The following SMURF1 variants were observed in gnomAD, a reference collection of about 807,000 sequenced individuals.
The protein encoded by SMURF1 is SMAD specific E3 ubiquitin protein ligase 1, also known as E3 ubiquitin-protein ligase SMURF1.
SMURF1 carries 44 observed loss-of-function variants against 98.0 expected under a neutral mutation model. The ratio of observed to expected loss-of-function variants is 0.45; its 90% CI spans 0.35 to 0.58. SMURF1 has a LOEUF of 0.58. Among genes scored for constraint, SMURF1 ranks in the 20% least tolerant of loss-of-function variants. The probability of loss-of-function intolerance (pLI) is 0.00; values close to 1 mark genes in which losing one functional copy is unlikely to be tolerated. For synonymous variants in SMURF1, 396 were observed against 374.9 expected (o/e 1.06, Z -0.65); for missense variants, 687 against 938.4 (o/e 0.73, Z 3.50).
intron 3 of SMURF1, among the ~76,000 whole-genome samples, chr7:99,059,970 A>T (rs1345667494): frequency 6.6e-6 from 1 of 152,180 alleles, no homozygotes; most frequent in Admixed American, 6.5e-5. Context: ...GTTTTGCTGA[A>T]AAACAGTAGC....
intron 12 of SMURF1, 150 bp from the exon 13 acceptor site, chr7:99,040,706 T>C: frequency 1.5e-6 from 1 of 665,714 alleles, no homozygotes; most frequent in Non-Finnish European, 2.2e-6. Flanking sequence ...CCTGAACAAG[T>C]GAAAGAAGGC....
chr7:99,032,899 G>A, intron 17 of SMURF1, 138 bp downstream of exon 17: 6 of 1,028,076 alleles, frequency 5.8e-6, no homozygotes, highest in South Asian at 3.1e-5. Context: ...CTCAGGTGCT[G>A]TGGCTTTTGA....
intron 1 of SMURF1, among the ~76,000 whole-genome samples, chr7:99,064,978 T>A (rs1177579288): frequency 6.6e-6 from 1 of 152,212 alleles, no homozygotes; most frequent in Admixed American, 6.5e-5. Flanking sequence ...TTGAGCAAGT[T>A]TTTAAAAAAT....
At chr7:99,063,261 A>ATATATAAGATT (rs1796095929) in intron 1 of SMURF1, among the ~76,000 whole-genome samples, 4 of 6,944 alleles carry the variant, frequency 5.8e-4, no homozygotes, top group South Asian at 3.7e-3. Flanking sequence ...ATATATATAT[A>ATATATAAGATT]TATATATATA....
chr7:99,056,524 A>C (rs17161567), intron 5 of SMURF1, among the ~76,000 whole-genome samples: 16,292 of 152,178 alleles, frequency 0.11, 2,862 homozygotes, highest in African/African-American at 0.37. Context: ...CTTTTTACAT[A>C]TATGATGGGG....
intron 1 of SMURF1, among the ~76,000 whole-genome samples, chr7:99,085,073 G>A (rs898015481): frequency 5.3e-5 from 8 of 152,048 alleles, no homozygotes; most frequent in Admixed American, 1.3e-4. Flanking sequence ...CCTGGTGGCC[G>A]GGCACGGTGG....
At chr7:99,095,328 C>T (rs1262731394) in intron 1 of SMURF1, among the ~76,000 whole-genome samples, 1 of 152,190 alleles carries the variant, frequency 6.6e-6, no homozygotes, top group East Asian at 1.9e-4. Flanking sequence ...GATCCACCCA[C>T]CTCAGCCTCC....
intron 1 of SMURF1, among the ~76,000 whole-genome samples, chr7:99,115,042 A>T (rs1189628658): frequency 6.6e-6 from 1 of 152,030 alleles, no homozygotes; most frequent in East Asian, 1.9e-4. Flanking sequence ...AAATAGGAAG[A>T]CCTGAAATCA....
At chr7:99,080,230 G>A (rs779473824) in intron 1 of SMURF1, among the ~76,000 whole-genome samples, 7 of 152,230 alleles carry the variant, frequency 4.6e-5, no homozygotes, top group Admixed American at 1.3e-4. Context: ...ACCAATGGCT[G>A]TAAGTTGAAA....
intron 16 of SMURF1, among the ~76,000 whole-genome samples, 165 bp from the exon 17 acceptor site, chr7:99,033,286 G>A (rs1794989492): frequency 6.6e-6 from 1 of 152,178 alleles, no homozygotes; most frequent in African/African-American, 2.4e-5. Context: ...TTTAGGACAT[G>A]CCTGCAATGG....
chr7:99,093,528 C>G (rs1294220231), intron 1 of SMURF1, among the ~76,000 whole-genome samples: 1 of 151,682 alleles, frequency 6.6e-6, no homozygotes. Context: ...AATGACATTA[C>G]ATTATTGCCA....
Position 99,063,267 on chromosome 7 carries a change from AT to A in SMURF1, c.56-1431del, listed in dbSNP as rs1563012760. ...TATATATATATATATATATATATAT[AT>A]ATATATATATATATATATATATATA... On this transcript the variant is annotated intron_variant, in intron 1 of 17. Coordinates refer to ENST00000361368, the MANE Select transcript of SMURF1 (RefSeq NM_181349.3). Among the ~76,000 whole-genome samples, 45 of 9,092 alleles carry A rather than the reference AT, an allele frequency of 4.9e-3. 8 individuals carry two copies. Among genetic ancestry groups the A allele is most frequent in the South Asian group, 0.014 (5 of 354 alleles). The allele number at this position is 9,092 out of a possible 152,430, so 6.0% of individuals were successfully genotyped here.
Position 99,136,008 on chromosome 7 carries a change from TA to T in SMURF1, c.55+7717del, listed in dbSNP as rs1797984052. 2.0e-5 allele frequency among the ~76,000 whole-genome samples: 3 copies of T among 152,328 alleles called. No homozygotes were observed. The South Asian group carries it at 6.2e-4, about 32-fold the overall frequency. On this transcript the variant is annotated intron_variant, in intron 1 of 17. Transcript: ENST00000361368. ...AGTATGAATAGGGCTGATTATCAATTAAAAATAAATTTTTAGAGAAAGAAAA... is the reference window on the plus strand; with the variant it reads ...AGTATGAATAGGGCTGATTATCAATTAAAATAAATTTTTAGAGAAAGAAAA...
In SMURF1 at chr7:99,045,798, A is replaced by T; in HGVS notation, c.1156T>A (p.Ser386Thr). ...EVSREEIFEE[S>T]YRQIMKMRPK... ...CGCATCTTCATTATCTGGCGGTAAG[A>T]CTCCTGAAGAGCAACATCACAGTTT... The change falls in exon 11 of 18, where the codon TCT becomes ACT. Residue 386 changes from serine to threonine, a missense_variant. Around this residue, in one of 2 missense-constraint regions of SMURF1, gnomAD observed 415 missense variants for 508.4 expected, o/e 0.82. Transcript: ENST00000361368. The T allele has an allele frequency of 6.2e-7, 1 of 1,610,108 alleles. No individual in the cohort carries two copies.
intron 1 of SMURF1, among the ~76,000 whole-genome samples, chr7:99,140,476 C>T (rs1021482332): frequency 2.0e-5 from 3 of 151,984 alleles, no homozygotes; most frequent in Admixed American, 6.6e-5. Context: ...CTACTAGAGA[C>T]GAGGTTTCAC....
chr7:99,058,800 T>C (rs1795948331), intron 3 of SMURF1, among the ~76,000 whole-genome samples: 1 of 152,170 alleles, frequency 6.6e-6, no homozygotes, highest in South Asian at 2.1e-4. Context: ...AAAATAGTGG[T>C]CTTCACAGCC....
chr7:99,044,514 T>C (rs1220007412), intron 11 of SMURF1, among the ~76,000 whole-genome samples: 19 of 152,182 alleles, frequency 1.2e-4, no homozygotes, highest in Admixed American at 1.2e-3. Context: ...AGAATGTAAA[T>C]CTTAACCTTG....
chr7:99,069,567 C>T (rs1796274136), intron 1 of SMURF1, among the ~76,000 whole-genome samples: 2 of 152,188 alleles, frequency 1.3e-5, no homozygotes, highest in South Asian at 2.1e-4. Context: ...ACTATGTTGC[C>T]CAGGCTGGTA....
intron 10 of SMURF1, among the ~76,000 whole-genome samples, chr7:99,046,687 AT>A (rs1453796327): frequency 1.4e-5 from 2 of 139,728 alleles, no homozygotes; most frequent in Admixed American, 1.6e-4. Flanking sequence ...AGCCGAGATC[AT>A]GCCGCTGCAC....
Sources: gnomAD v4.1 joint callset for allele counts (sites outside exome capture counted in the v4.1 genomes callset) on GRCh38, gnomAD v4.1.1 for gene constraint, gnomAD v4.1.1 regional missense constraint, MANE v1.5 for transcripts, NCBI Gene and HGNC (gene_info 2026-07-23, HGNC 2026-07-21) for gene names.